WDFY3: variants seen among roughly 807,000 people sequenced by gnomAD.
WDFY3 encodes the protein WD repeat and FYVE domain-containing protein 3.
Under a neutral mutation model 409.6 loss-of-function variants are expected in WDFY3, and 66 were observed. The ratio of observed to expected loss-of-function variants is 0.16; its 90% CI spans 0.13 to 0.20. The LOEUF (loss-of-function observed/expected upper bound fraction) is 0.20. WDFY3 is among the 10% of genes least tolerant of loss of function. WDFY3 has a pLI of 1.00. For synonymous variants in WDFY3, 1,521 were observed against 1,537.1 expected, an observed-to-expected ratio of 0.99 and a Z score of 0.25; for missense variants, 3,031 against 4,298.1, an observed-to-expected ratio of 0.71 and a Z score of 8.24.
At position 84,834,427 on chromosome 4, in the gene WDFY3, A is replaced by G. The variant is rs1756256026; in HGVS notation, c.576+2502T>C. The stretch of plus-strand genomic sequence containing the variant: ...TTTGGGAGGCTGAGGCGGGAGGATC[A>G]CTTGAGCCCAGGAGTTCGAGACCAA... On this transcript the variant is annotated intron_variant, in intron 7 of 67. Coordinates refer to ENST00000295888, the MANE Select transcript of WDFY3 (RefSeq NM_014991.6). 2.0e-5 allele frequency among the ~76,000 whole-genome samples: 3 copies of G among 151,952 alleles called. No individual in the cohort carries two copies. The South Asian group carries it at 6.2e-4, about 32-fold the overall frequency.
At chr4:84,953,432 CAG>C (rs370211750) in intron 1 of WDFY3, among the ~76,000 whole-genome samples, 7 of 152,060 alleles carry the variant, frequency 4.6e-5, no homozygotes, top group South Asian at 2.1e-4. Context: ...GCTTTTGACA[CAG>C]GGGAAAAATG....
At chr4:84,894,947 CA>C (rs70943381) in intron 3 of WDFY3, among the ~76,000 whole-genome samples, 145 of 98,844 alleles carry the variant, frequency 1.5e-3, no homozygotes, top group Middle Eastern at 0.012. Context: ...GAGACTGTCT[CA>C]AAAAAAAAAA....
chr4:84,779,184 TAAAC>T (rs1357204277), intron 26 of WDFY3, among the ~76,000 whole-genome samples: 2 of 152,194 alleles, frequency 1.3e-5, no homozygotes, highest in African/African-American at 2.4e-5. Context: ...TTTTTCATGA[TAAAC>T]AACGCTGCAA....
intron 1 of WDFY3, among the ~76,000 whole-genome samples, chr4:84,936,479 C>T (rs959705994): frequency 3.9e-5 from 6 of 151,988 alleles, no homozygotes. Context: ...TATGAACGTG[C>T]CACTGCCCTT....
rs1252034088 is a variant in WDFY3 at position 84,677,532 on chromosome 4, T to C, written c.10260-136A>G. On this transcript the variant is annotated intron_variant, in intron 66 of 67. Transcript: ENST00000295888. ...GTCCTGGAGAGACCCCTTGATTCAC[T>C]CAGAGATGTATGTGTAAACAGACAA... 6 of 729,822 alleles carry C rather than the reference T, an allele frequency of 8.2e-6. No individual in the cohort carries two copies. In the Admixed American group the frequency reaches 1.0e-4, roughly 12 times the overall value. The allele number at this position is 729,822 out of a possible 1,614,324, so 45.2% of individuals were successfully genotyped here. A position where few individuals can be genotyped will look rare whatever the true frequency, so the allele number is the denominator to read the frequency against.
At chr4:84,762,156 A>G (rs894227604) in intron 32 of WDFY3, among the ~76,000 whole-genome samples, 2 of 151,874 alleles carry the variant, frequency 1.3e-5, no homozygotes, top group African/African-American at 4.8e-5. Flanking sequence ...ATAAAGACAC[A>G]TGCACACATA....
At chr4:84,756,463 T>C (rs554870739) in intron 33 of WDFY3, among the ~76,000 whole-genome samples, 1 of 151,892 alleles carries the variant, frequency 6.6e-6, no homozygotes, top group Admixed American at 6.6e-5. Flanking sequence ...CGCCTGACTG[T>C]AGTTTCAGCT....
intron 15 of WDFY3, among the ~76,000 whole-genome samples, chr4:84,805,407 T>C (rs890831207): frequency 1.3e-5 from 2 of 152,140 alleles, no homozygotes; most frequent in African/African-American, 4.8e-5. Context: ...ATTGCAAACA[T>C]TGCTGATATC....
intron 3 of WDFY3, among the ~76,000 whole-genome samples, chr4:84,872,472 A>G (rs1240205314): frequency 2.6e-5 from 4 of 152,132 alleles, no homozygotes; most frequent in Non-Finnish European, 4.4e-5. Flanking sequence ...CTCAAAAAAA[A>G]AAAAAAAGTT....
rs1357815286 is a variant in WDFY3, at chr4:84,794,891, C to T, written c.3256G>A (p.Gly1086Ser). 1 of 1,570,952 alleles carries T rather than the reference C, an allele frequency of 6.4e-7. No homozygotes were observed. Among genetic ancestry groups the T allele is most frequent in the East Asian group, 2.3e-5 (1 of 44,312 alleles). Residue 1086 changes from glycine to serine, a missense_variant, in exon 20 of 68, where the codon GGC becomes AGC. By Grantham distance (56) the Gly-to-Ser change is moderately conservative. Transcript: ENST00000295888. The stretch of plus-strand genomic sequence containing the variant: ...AAATATTACTTACCAGAACCAATGC[C>T]ACTGACCACAGCCCCATCAATAAGA... ...TGLIDGAVVS[G>S]IGSGERFFPP...
At chr4:84,817,768 G>A (rs936658179) in intron 12 of WDFY3, among the ~76,000 whole-genome samples, 183 bp from the exon 13 acceptor site, 1 of 152,110 alleles carries the variant, frequency 6.6e-6, no homozygotes, top group Non-Finnish European at 1.5e-5. Context: ...GTCAGCAAAG[G>A]TATATGCAAA....
intron 30 of WDFY3, among the ~76,000 whole-genome samples, chr4:84,767,683 T>C (rs1248649891): frequency 1.3e-5 from 2 of 151,450 alleles, no homozygotes; most frequent in African/African-American, 4.9e-5. Context: ...CTGGTCTAGA[T>C]AGAAGACTAA....
At chr4:84,766,563 T>C (rs1743677798) in intron 30 of WDFY3, among the ~76,000 whole-genome samples, 191 bp from the exon 31 acceptor site, 1 of 152,224 alleles carries the variant, frequency 6.6e-6, no homozygotes, top group African/African-American at 2.4e-5. Context: ...AAATTGTTCA[T>C]TTACATTTGA....
chr4:84,873,165 C>T (rs1762353900), intron 3 of WDFY3, among the ~76,000 whole-genome samples: 1 of 152,180 alleles, frequency 6.6e-6, no homozygotes, highest in African/African-American at 2.4e-5. Context: ...ACAGCACTGT[C>T]ATTAAACTAG....
intron 3 of WDFY3, among the ~76,000 whole-genome samples, chr4:84,893,728 T>C (rs2150534757): frequency 6.6e-6 from 1 of 152,334 alleles, no homozygotes; most frequent in East Asian, 1.9e-4. Context: ...GGCTCACGCC[T>C]GTAATTCCAA....
At chr4:84,852,678 C>T (rs190064722) in intron 4 of WDFY3, among the ~76,000 whole-genome samples, 38 of 151,966 alleles carry the variant, frequency 2.5e-4, no homozygotes, top group Admixed American at 1.6e-3. Flanking sequence ...ACATTTTTTT[C>T]CTGAGATTTT....
chr4:84,749,228 A>T (rs1397263385), intron 36 of WDFY3, among the ~76,000 whole-genome samples: 10 of 152,188 alleles, frequency 6.6e-5, no homozygotes, highest in African/African-American at 2.2e-4. Flanking sequence ...TAAAGACTTC[A>T]TAATCATAAT....
At chr4:84,758,014 G>A (rs181848965) in intron 32 of WDFY3, among the ~76,000 whole-genome samples, 5 of 152,216 alleles carry the variant, frequency 3.3e-5, no homozygotes, top group African/African-American at 9.6e-5. Flanking sequence ...GAGATAATCA[G>A]TTCTTACTAA....
At chr4:84,811,507 TA>T (rs201545484) in intron 13 of WDFY3, among the ~76,000 whole-genome samples, 1,697 of 152,248 alleles carry the variant, frequency 0.011, 27 homozygotes, top group African/African-American at 0.039. Flanking sequence ...ATACAACTTA[TA>T]AAATGGTAAA....
Sources: allele counts gnomAD v4.1 joint callset (sites outside exome capture counted in the v4.1 genomes callset), GRCh38; gene constraint gnomAD v4.1.1; transcripts MANE v1.5; gene names NCBI Gene and HGNC (gene_info 2026-07-23, HGNC 2026-07-21).